The following EXOC6B variants were observed in gnomAD, a reference collection of about 807,000 sequenced individuals.
EXOC6B encodes the protein exocyst complex component 6B.
In EXOC6B, 54 loss-of-function variants were observed where a neutral mutation model predicts 113.5. That is an observed-to-expected ratio of 0.48 (90% CI 0.38 to 0.60). The LOEUF (loss-of-function observed/expected upper bound fraction) is 0.60, where lower values mean the gene tolerates loss of function less well. Among genes scored for constraint, EXOC6B ranks in the 20% least tolerant of loss-of-function variants. The pLI is 0.00. For synonymous variants in EXOC6B, 357 were observed against 339.0 expected (o/e 1.05, Z -0.58); for missense variants, 797 against 977.5 (o/e 0.82, Z 2.46).
rs77815083 is a variant in EXOC6B, at chr2:72,575,324, T to C, written c.846+168A>G. Among the ~76,000 whole-genome samples, 8 of 152,310 alleles carry C rather than the reference T, an allele frequency of 5.3e-5. No individual in the cohort carries two copies. In the East Asian group the frequency reaches 1.5e-3, roughly 29 times the overall value. ...AAAAGAATCAGGATCTAAATTATCT[T>C]AGTATATCTTCAATTTCCTTAAATT... On this transcript the variant is annotated intron_variant, in intron 7 of 21. Coordinates refer to ENST00000272427, the MANE Select transcript of EXOC6B (RefSeq NM_015189.3).
intron 20 of EXOC6B, among the ~76,000 whole-genome samples, chr2:72,316,984 G>A (rs1687550319): frequency 6.6e-6 from 1 of 152,164 alleles, no homozygotes; most frequent in Admixed American, 6.5e-5. Context: ...GGATCAAGGA[G>A]GTGTTAAGAG....
chr2:72,652,785 T>C (rs993725241), intron 6 of EXOC6B, among the ~76,000 whole-genome samples: 52 of 147,924 alleles, frequency 3.5e-4, no homozygotes, highest in Middle Eastern at 3.6e-3. Context: ...ATATACGTAA[T>C]ATAATTATAT....
At chr2:72,731,491 G>T (rs1228306140) in intron 3 of EXOC6B, among the ~76,000 whole-genome samples, 1 of 152,044 alleles carries the variant, frequency 6.6e-6, no homozygotes, top group African/African-American at 2.4e-5. Flanking sequence ...AAAATACAAG[G>T]GTTATCCAGG....
In EXOC6B at chr2:72,574,572, T is replaced by C. The variant is rs564065636; in HGVS notation, c.846+920A>G. ...GGGGAAGAAATAGTGAATCCAGTTT[T>C]ATCTGGAGAAAGGAAACAAGCACTT... On this transcript the variant is annotated intron_variant, in intron 7 of 21. Transcript: ENST00000272427. Among the ~76,000 whole-genome samples the C allele has an allele frequency of 7.9e-5, 12 of 152,304 alleles. 1 individual carries two copies. The South Asian group carries it at 1.4e-3, about 18-fold the overall frequency.
At chr2:72,418,951 ATTCAT>A (rs1694700907) in intron 18 of EXOC6B, among the ~76,000 whole-genome samples, 1 of 151,936 alleles carries the variant, frequency 6.6e-6, no homozygotes, top group African/African-American at 2.4e-5. Context: ...AAATATTTAG[ATTCAT>A]TTCTAATTTC....
At chr2:72,806,741 G>A (rs1272246166) in intron 1 of EXOC6B, among the ~76,000 whole-genome samples, 1 of 23,032 alleles carries the variant, frequency 4.3e-5, no homozygotes, top group Non-Finnish European at 8.0e-5. Context: ...AGTGTGAGAT[G>A]GTTGTCATTG....
intron 20 of EXOC6B, among the ~76,000 whole-genome samples, chr2:72,280,155 C>T (rs1215495155): frequency 6.6e-6 from 1 of 152,026 alleles, no homozygotes; most frequent in African/African-American, 2.4e-5. Flanking sequence ...TTTTATCATT[C>T]TAGTTCTTCC....
chr2:72,645,570 C>G (rs1673642510), intron 6 of EXOC6B, among the ~76,000 whole-genome samples: 1 of 152,098 alleles, frequency 6.6e-6, no homozygotes, highest in South Asian at 2.1e-4. Flanking sequence ...TATAAAAGAA[C>G]AGAAATCACA....
intron 16 of EXOC6B, among the ~76,000 whole-genome samples, chr2:72,487,549 C>T (rs1178756891): frequency 2.6e-5 from 4 of 151,924 alleles, no homozygotes; most frequent in Admixed American, 6.6e-5. Flanking sequence ...TTAGTAGAGA[C>T]GGGGTTTCGC....
At chr2:72,575,250 C>T (rs1195496980) in intron 7 of EXOC6B, among the ~76,000 whole-genome samples, 1 of 151,978 alleles carries the variant, frequency 6.6e-6, no homozygotes, top group Admixed American at 6.6e-5. Flanking sequence ...ATTTAAAAAC[C>T]CTGAAACTTT....
chr2:72,428,072 C>T (rs1695308645), intron 18 of EXOC6B, among the ~76,000 whole-genome samples: 1 of 152,172 alleles, frequency 6.6e-6, no homozygotes, highest in Non-Finnish European at 1.5e-5. Context: ...GAGCTGTACC[C>T]CGTAGATCTC....
chr2:72,787,355 G>C (rs1352005913), intron 1 of EXOC6B, among the ~76,000 whole-genome samples: 1 of 151,760 alleles, frequency 6.6e-6, no homozygotes, highest in African/African-American at 2.4e-5. Flanking sequence ...GAGATTATAA[G>C]CATGTGCCAC....
rs758906963 is a variant in EXOC6B, at chr2:72,307,161, G to GTTTTTGTTTTTTTTTTTTTTT, written c.2196+27785_2196+27786insAAAAAAAAAAAAAAACAAAAA. ...TCCATGACTGCAATGGTATAGTCCA[G>GTTTTTGTTTTTTTTTTTTTTT]TTTTTTTTTTTTTGAGACGGAGTCT... On this transcript the variant is annotated intron_variant, in intron 20 of 21. Coordinates refer to ENST00000272427, the MANE Select transcript of EXOC6B (RefSeq NM_015189.3). 2.8e-3 allele frequency among the ~76,000 whole-genome samples: 363 copies of GTTTTTGTTTTTTTTTTTTTTT among 128,280 alleles called. 20 individuals carry two copies. The highest frequency in any genetic ancestry group is 6.9e-3 in the African/African-American group (181 of 26,114). 84.2% of individuals were successfully genotyped at this position (128,280 alleles called of 152,430 possible).
intron 6 of EXOC6B, among the ~76,000 whole-genome samples, chr2:72,647,266 C>T (rs1017812681): frequency 2.6e-5 from 4 of 151,948 alleles, no homozygotes; most frequent in Non-Finnish European, 2.9e-5. Context: ...CACTGCTCAA[C>T]GAGATAAAAG....
chr2:72,258,255 G>A (rs748329039), intron 20 of EXOC6B, among the ~76,000 whole-genome samples: 5 of 151,960 alleles, frequency 3.3e-5, no homozygotes, highest in African/African-American at 7.3e-5. Context: ...GCTCCTTAAC[G>A]ACAGGGTTGA....
intron 20 of EXOC6B, among the ~76,000 whole-genome samples, chr2:72,301,662 TA>T (rs929407419): frequency 5.6e-4 from 86 of 152,302 alleles, no homozygotes; most frequent in African/African-American, 2.0e-3. Flanking sequence ...CTCTGATGGT[TA>T]TTTGTATTTT....
intron 1 of EXOC6B, among the ~76,000 whole-genome samples, chr2:72,820,214 G>A (rs935354992): frequency 3.9e-5 from 6 of 152,010 alleles, no homozygotes; most frequent in African/African-American, 1.4e-4. Context: ...AAAAAAGCAA[G>A]ACAGAAAATT....
chr2:72,691,707 GT>G (rs1320752879), intron 6 of EXOC6B, among the ~76,000 whole-genome samples: 2 of 147,536 alleles, frequency 1.4e-5, no homozygotes, highest in African/African-American at 5.0e-5. Flanking sequence ...TTGAGATGGA[GT>G]TTCGCCCTTG....
At chr2:72,350,832 C>T (rs1215651941) in intron 19 of EXOC6B, among the ~76,000 whole-genome samples, 1 of 152,142 alleles carries the variant, frequency 6.6e-6, no homozygotes, top group African/African-American at 2.4e-5. Flanking sequence ...AACTTCTTTC[C>T]ATGATAGACT....
Sources: gnomAD v4.1 joint callset for allele counts (sites outside exome capture counted in the v4.1 genomes callset) on GRCh38, gnomAD v4.1.1 for gene constraint, MANE v1.5 for transcripts, NCBI Gene and HGNC (gene_info 2026-07-23, HGNC 2026-07-21) for gene names.